The following MARCHF10 variants were observed in gnomAD, a reference collection of about 807,000 sequenced individuals.
The protein encoded by MARCHF10 is membrane associated ring-CH-type finger 10.
In MARCHF10, 64 loss-of-function variants were observed where a neutral mutation model predicts 76.2. That is an observed-to-expected ratio of 0.84 (90% CI 0.69 to 1.03). The LOEUF (loss-of-function observed/expected upper bound fraction) is 1.03. Among genes scored for constraint, MARCHF10 ranks in the 50% least tolerant of loss-of-function variants. The pLI is 0.00. For synonymous variants in MARCHF10, 340 were observed against 357.5 expected, an observed-to-expected ratio of 0.95 and a Z score of 0.55; for missense variants, 875 against 958.0, an observed-to-expected ratio of 0.91 and a Z score of 1.14.
chr17:62,721,281 C>G (rs560487732), intron 8 of MARCHF10, among the ~76,000 whole-genome samples: 35 of 152,150 alleles, frequency 2.3e-4, no homozygotes, highest in African/African-American at 8.2e-4. Flanking sequence ...GAAGTGACAA[C>G]TTCAAACTCT....
intron 2 of MARCHF10, among the ~76,000 whole-genome samples, chr17:62,793,006 C>G (rs1598053638): frequency 6.9e-6 from 1 of 145,046 alleles, no homozygotes; most frequent in Non-Finnish European, 1.6e-5. Flanking sequence ...ACCTCCATCA[C>G]CACCACCACA....
intron 9 of MARCHF10, among the ~76,000 whole-genome samples, chr17:62,709,488 CAAAA>C (rs1022756389): frequency 1.1e-4 from 17 of 151,836 alleles, no homozygotes; most frequent in African/African-American, 3.9e-4. Context: ...AAAAATAAAA[CAAAA>C]AAACAAAACA....
At chr17:62,804,429 C>T (rs1427635121) in intron 1 of MARCHF10, among the ~76,000 whole-genome samples, 1 of 151,974 alleles carries the variant, frequency 6.6e-6, no homozygotes, top group Non-Finnish European at 1.5e-5. Flanking sequence ...GAGAACAAGC[C>T]GCTGAAGAGA....
intron 1 of MARCHF10, among the ~76,000 whole-genome samples, chr17:62,803,429 T>C (rs8078012): frequency 6.6e-6 from 1 of 152,076 alleles, no homozygotes; most frequent in Non-Finnish European, 1.5e-5. Context: ...CTAGATGTGA[T>C]AAGATGGCAA....
Position 62,735,943 on chromosome 17 carries a change from T to A in MARCHF10, c.1925A>T (p.Lys642Ile), listed in dbSNP as rs2091242985. ...GAAAAGTCCTCACCTTTCTTGCAAT[T>A]TCTTGAGTTTCTCAGGGTCTGCCTT... is the stretch of plus-strand genomic sequence containing the variant. ...KIKADPEKLK[K>I]LQESLLEEDS... is the part of the protein sequence containing the mutation. Residue 642 changes from lysine to isoleucine, a missense_variant, in exon 6 of 11, where the codon AAA (lysine) becomes ATA (isoleucine). Coordinates refer to ENST00000311269, the MANE Select transcript of MARCHF10 (RefSeq NM_152598.4). The A allele has an allele frequency of 6.3e-7, 1 of 1,596,526 alleles. No homozygotes were observed. Among genetic ancestry groups the A allele is most frequent in the African/African-American group, 1.4e-5 (1 of 73,604 alleles).
chr17:62,709,331 T>A (rs1322713631), intron 9 of MARCHF10, among the ~76,000 whole-genome samples: 1 of 151,940 alleles, frequency 6.6e-6, no homozygotes, highest in African/African-American at 2.4e-5. Context: ...AATACACAAA[T>A]TAGCCGGGCA....
chr17:62,710,517 C>A (rs2089862155), intron 9 of MARCHF10, among the ~76,000 whole-genome samples: 1 of 130,120 alleles, frequency 7.7e-6, no homozygotes, highest in Admixed American at 7.6e-5. Context: ...AAAAAAAAAT[C>A]TAGGTTTCTT....
intron 3 of MARCHF10, among the ~76,000 whole-genome samples, chr17:62,781,383 CATA>C (rs1334245414): frequency 6.6e-6 from 1 of 152,160 alleles, no homozygotes; most frequent in Non-Finnish European, 1.5e-5. Flanking sequence ...ACGAGATATG[CATA>C]ATAAGTATCT....
At chr17:62,767,614 C>G (rs937861384) in intron 3 of MARCHF10, among the ~76,000 whole-genome samples, 1 of 151,946 alleles carries the variant, frequency 6.6e-6, no homozygotes, top group Non-Finnish European at 1.5e-5. Flanking sequence ...CCACGTCTGG[C>G]TAATTTTTGT....
intron 5 of MARCHF10, 109 bp downstream of exon 5, chr17:62,744,267 C>A: frequency 8.3e-7 from 1 of 1,204,040 alleles, no homozygotes; most frequent in Non-Finnish European, 1.2e-6. Flanking sequence ...ACATGCACCT[C>A]ATTTACTTAA....
chr17:62,705,388 T>C (rs2089514982), intron 10 of MARCHF10, 151 bp downstream of exon 10: 4 of 1,539,980 alleles, frequency 2.6e-6, no homozygotes, highest in Non-Finnish European at 3.5e-6. Context: ...GATTGTTTGC[T>C]GCGGCTGACT....
At chr17:62,767,236 T>C (rs2092353002) in intron 3 of MARCHF10, among the ~76,000 whole-genome samples, 1 of 150,142 alleles carries the variant, frequency 6.7e-6, no homozygotes, top group Non-Finnish European at 1.5e-5. Flanking sequence ...ATATGTTTCT[T>C]TTAGAGAGAG....
At chr17:62,732,992 C>CAAAAAAAAAAAAAAAAAAAA (rs398041783) in intron 6 of MARCHF10, among the ~76,000 whole-genome samples, 2 of 66,546 alleles carry the variant, frequency 3.0e-5, no homozygotes, top group Non-Finnish European at 5.9e-5. Flanking sequence ...GACTCAGTCT[C>CAAAAAAAAAAAAAAAAAAAA]AAAAAAAAAA....
At chr17:62,774,636 A>G (rs372936138) in intron 3 of MARCHF10, among the ~76,000 whole-genome samples, 1 of 152,160 alleles carries the variant, frequency 6.6e-6, no homozygotes, top group African/African-American at 2.4e-5. Context: ...ACCGTTTCCC[A>G]GACCTGCCAC....
At chr17:62,725,741 A>T (rs557864618) in intron 6 of MARCHF10, among the ~76,000 whole-genome samples, 4 of 152,342 alleles carry the variant, frequency 2.6e-5, no homozygotes, top group African/African-American at 9.6e-5. Flanking sequence ...TGGGGGTGGC[A>T]TACTGGTGAG....
At chr17:62,710,743 T>C (rs1056832570) in intron 9 of MARCHF10, among the ~76,000 whole-genome samples, 1 of 151,990 alleles carries the variant, frequency 6.6e-6, no homozygotes, top group Non-Finnish European at 1.5e-5. Context: ...GTAATTTTAG[T>C]AGAGACAGGG....
At chr17:62,783,781 G>T (rs1010748986) in intron 3 of MARCHF10, among the ~76,000 whole-genome samples, 7 of 152,104 alleles carry the variant, frequency 4.6e-5, no homozygotes, top group African/African-American at 1.7e-4. Context: ...TAGAAGAAAT[G>T]GATAAACTCC....
In MARCHF10 at chr17:62,746,773, G is replaced by A. The variant is rs546513883; in HGVS notation, c.383-2245C>T. 5.2e-5 allele frequency: 45 copies of A among 858,960 alleles called. No homozygotes were observed. In the South Asian group the frequency reaches 7.0e-4, roughly 13 times the overall value. The allele number at this position is 858,960 out of a possible 1,614,324, so 53.2% of individuals were successfully genotyped here. On this transcript the variant is annotated intron_variant, in intron 4 of 10. Transcript: ENST00000311269. ...AGAATTTCACTTTGATTTCCAGCAG[G>A]AATCCCAGCAGAATATTCAAAGTTC...
chr17:62,781,645 C>T (rs1369345598), intron 3 of MARCHF10, among the ~76,000 whole-genome samples: 1 of 152,130 alleles, frequency 6.6e-6, no homozygotes, highest in African/African-American at 2.4e-5. Flanking sequence ...GAGGTTATGC[C>T]AGGATGAAGC....
Sources: allele counts gnomAD v4.1 joint callset (sites outside exome capture counted in the v4.1 genomes callset), GRCh38; gene constraint gnomAD v4.1.1; transcripts MANE v1.5; gene names NCBI Gene and HGNC (gene_info 2026-07-23, HGNC 2026-07-21).